PCLO: variants seen among roughly 807,000 people sequenced by gnomAD.
The protein encoded by PCLO is piccolo presynaptic cytomatrix protein, also known as protein piccolo.
A neutral mutation model predicts 427.5 loss-of-function variants in PCLO; 82 were observed. The observed-to-expected ratio is 0.19, with a 90% CI of 0.16 to 0.23. The LOEUF (loss-of-function observed/expected upper bound fraction) is 0.23. PCLO is among the 10% of genes least tolerant of loss of function. The pLI, the probability that PCLO is intolerant of heterozygous loss-of-function variation, is 1.00. For missense variants in PCLO, 6,239 were observed against 6,115.9 expected (o/e 1.02, Z -0.67); for synonymous variants, 2,357 against 2,155.4 (o/e 1.09, Z -2.59).
At chr7:82,875,780 T>C (rs1793354688) in intron 10 of PCLO, among the ~76,000 whole-genome samples, 1 of 151,860 alleles carries the variant, frequency 6.6e-6, no homozygotes, top group Admixed American at 6.6e-5. Context: ...CATAAATCTA[T>C]ACAGGTATTA....
intron 6 of PCLO, among the ~76,000 whole-genome samples, chr7:82,931,463 C>T (rs1794838875): frequency 6.6e-6 from 1 of 152,172 alleles, no homozygotes; most frequent in African/African-American, 2.4e-5. Context: ...TAGTTGTGTC[C>T]TCTTGCTCAT....
At chr7:82,962,145 T>C (rs1048888275) in intron 4 of PCLO, among the ~76,000 whole-genome samples, 3 of 152,176 alleles carry the variant, frequency 2.0e-5, no homozygotes, top group African/African-American at 7.2e-5. Context: ...ATAACAAACC[T>C]TACCCTAAAT....
chr7:82,764,709 T>C (rs1159791521), intron 22 of PCLO, among the ~76,000 whole-genome samples: 1 of 151,830 alleles, frequency 6.6e-6, no homozygotes, highest in Non-Finnish European at 1.5e-5. Flanking sequence ...AGAAAGACAC[T>C]GTATGAAACT....
chr7:82,850,211 G>T (rs1198603073), intron 10 of PCLO, among the ~76,000 whole-genome samples: 1 of 151,992 alleles, frequency 6.6e-6, no homozygotes, highest in East Asian at 1.9e-4. Context: ...GTTTCACCAT[G>T]TTGGCCAGCC....
intron 6 of PCLO, among the ~76,000 whole-genome samples, chr7:82,944,765 T>C (rs1168939008): frequency 3.3e-5 from 5 of 152,158 alleles, no homozygotes; most frequent in Non-Finnish European, 4.4e-5. Context: ...ACACAGATAT[T>C]TGCCAAATGT....
rs1340503820 is a variant in PCLO, at chr7:82,949,861, T to C, written c.10727A>G (p.Gln3576Arg). 1.2e-6 allele frequency: 2 copies of C among 1,613,768 alleles called. No individual in the cohort carries two copies. The highest frequency in any genetic ancestry group is 2.2e-5 in the South Asian group (2 of 91,066). The part of the protein sequence containing the change: ...GCQTEADSDT[Q>R]SPQYLSATSP... ...TGTGGCACTCAGATATTGAGGACTT[T>C]GTGTGTCTGAATCTGCTTCTGTTTG... The change falls in exon 6 of 25, where the codon CAA becomes CGA. Residue 3576 changes from glutamine (Q) to arginine (R), a missense_variant. Gln to Arg is a conservative substitution (Grantham distance 43). Transcript: ENST00000333891.
At chr7:83,128,645 T>C (rs1358180183) in intron 3 of PCLO, among the ~76,000 whole-genome samples, 1 of 152,168 alleles carries the variant, frequency 6.6e-6, no homozygotes, top group Non-Finnish European at 1.5e-5. Context: ...AGCAAAGACT[T>C]CACCACCACG....
intron 3 of PCLO, among the ~76,000 whole-genome samples, chr7:83,033,113 C>G (rs1207651385): frequency 6.6e-6 from 1 of 152,090 alleles, no homozygotes; most frequent in Non-Finnish European, 1.5e-5. Context: ...ACCCTTCTGT[C>G]AGATTATAAG....
chr7:83,050,233 A>C (rs1372775745), intron 3 of PCLO, among the ~76,000 whole-genome samples: 5 of 105,112 alleles, frequency 4.8e-5, no homozygotes, highest in African/African-American at 1.2e-4. Flanking sequence ...AAAAAAAAAA[A>C]AAAACACAAG....
At chr7:82,824,439 A>G in intron 18 of PCLO, 23 bp from the exon 19 acceptor site, 1 of 1,498,330 alleles carries the variant, frequency 6.7e-7, no homozygotes, top group Admixed American at 1.9e-5. Context: ...GTAACAAATA[A>G]ATGAAATTTA....
chr7:82,946,833 T>C (rs1449605541), intron 6 of PCLO, among the ~76,000 whole-genome samples: 1 of 152,204 alleles, frequency 6.6e-6, no homozygotes, highest in African/African-American at 2.4e-5. Context: ...ATGTACATTT[T>C]AGAAAATCAC....
intron 2 of PCLO, among the ~76,000 whole-genome samples, chr7:83,152,871 C>G (rs977502217): frequency 1.1e-4 from 17 of 152,086 alleles, no homozygotes; most frequent in African/African-American, 4.1e-4. Context: ...CTATTAAGAT[C>G]AACATTCACA....
intron 3 of PCLO, among the ~76,000 whole-genome samples, chr7:83,120,025 C>T (rs940985069): frequency 6.6e-6 from 1 of 151,790 alleles, no homozygotes; most frequent in African/African-American, 2.4e-5. Context: ...AGCATGCCTA[C>T]AAGATCTAGA....
chr7:82,908,193 G>C (rs779149097), intron 8 of PCLO, among the ~76,000 whole-genome samples: 2 of 151,980 alleles, frequency 1.3e-5, no homozygotes, highest in Admixed American at 6.6e-5. Context: ...TCTTAGTCTC[G>C]TAGTTGTATT....
chr7:83,085,762 T>C (rs1387184558), intron 3 of PCLO, among the ~76,000 whole-genome samples: 2 of 152,220 alleles, frequency 1.3e-5, no homozygotes, highest in African/African-American at 4.8e-5. Flanking sequence ...GTTTCTTTTA[T>C]ATTATATGCT....
intron 3 of PCLO, among the ~76,000 whole-genome samples, chr7:83,111,242 T>A (rs1460513733): frequency 6.6e-6 from 1 of 152,210 alleles, no homozygotes; most frequent in Non-Finnish European, 1.5e-5. Context: ...CTAAGACATA[T>A]CTTTCTACCC....
chr7:82,953,564 C>A lies in PCLO; in HGVS notation c.7389G>T (p.Glu2463Asp). Residue 2463 changes from glutamate (E) to aspartate (D), a missense_variant, in exon 5 of 25, where the codon GAG becomes GAT. Transcript: ENST00000333891. The part of the protein sequence containing the change: ...TPLFDAVTTL[E>D]TTAVLRSNGL... The stretch of plus-strand genomic sequence containing the variant: ...CATTACTTCTCAGAACAGCTGTGGT[C>A]TCTAGAGTAGTAACAGCATCAAACA... The A allele has an allele frequency of 1.2e-6, 2 of 1,612,610 alleles. No homozygotes were observed. The highest frequency in any genetic ancestry group is 1.7e-6 in the Non-Finnish European group (2 of 1,179,148).
chr7:82,978,888 ACACACACT>A (rs890844026), intron 3 of PCLO, among the ~76,000 whole-genome samples: 6 of 150,818 alleles, frequency 4.0e-5, no homozygotes, highest in South Asian at 2.1e-4. Flanking sequence ...ACACACACAC[ACACACACT>A]CCACAAAATG....
intron 10 of PCLO, among the ~76,000 whole-genome samples, chr7:82,853,759 T>C (rs899726398): frequency 6.6e-6 from 1 of 152,166 alleles, no homozygotes; most frequent in South Asian, 2.1e-4. Flanking sequence ...TCACATGTAG[T>C]TTGGTTATTT....
Sources: gnomAD v4.1 joint callset for allele counts (sites outside exome capture counted in the v4.1 genomes callset) on GRCh38, gnomAD v4.1.1 for gene constraint, MANE v1.5 for transcripts, NCBI Gene and HGNC (gene_info 2026-07-23, HGNC 2026-07-21) for gene names.